Variants in SGCZ observed in about 807,000 individuals in gnomAD.
SGCZ encodes sarcoglycan zeta.
A neutral mutation model predicts 41.3 loss-of-function variants in SGCZ; 40 were observed. That is an observed-to-expected ratio of 0.97 (90% CI 0.75 to 1.26). The LOEUF (loss-of-function observed/expected upper bound fraction) is 1.26, where lower values mean the gene tolerates loss of function less well. SGCZ is among the 50% of genes most tolerant of loss of function. The pLI, the probability that SGCZ is intolerant of heterozygous loss-of-function variation, is 0.00. For missense variants in SGCZ, 552 were observed against 369.8 expected, an observed-to-expected ratio of 1.49 and a Z score of -4.04; for synonymous variants, 206 against 137.5, an observed-to-expected ratio of 1.50 and a Z score of -3.49.
intron 5 of SGCZ, among the ~76,000 whole-genome samples, chr8:14,120,803 G>A (rs1400031013): frequency 6.6e-6 from 1 of 152,026 alleles, no homozygotes; most frequent in Non-Finnish European, 1.5e-5. Flanking sequence ...ATAATGAGAA[G>A]TATAACATAA....
intron 2 of SGCZ, among the ~76,000 whole-genome samples, chr8:14,433,699 C>T (rs1009536566): frequency 2.6e-5 from 4 of 152,096 alleles, no homozygotes; most frequent in African/African-American, 7.2e-5. Flanking sequence ...TACATAAACA[C>T]GCTCTCTGAG....
intron 3 of SGCZ, among the ~76,000 whole-genome samples, chr8:14,267,325 C>A (rs890801150): frequency 1.3e-5 from 2 of 151,728 alleles, no homozygotes; most frequent in Non-Finnish European, 2.9e-5. Context: ...AATAACCCCA[C>A]GGGAGGAAAA....
intron 2 of SGCZ, among the ~76,000 whole-genome samples, chr8:14,427,348 T>C (rs1172209214): frequency 1.3e-5 from 2 of 151,496 alleles, no homozygotes; most frequent in African/African-American, 4.9e-5. Flanking sequence ...AAAAACAAAA[T>C]AAAACAAACA....
intron 1 of SGCZ, among the ~76,000 whole-genome samples, chr8:14,838,638 C>G (rs1197351275): frequency 6.6e-6 from 1 of 152,194 alleles, no homozygotes; most frequent in Non-Finnish European, 1.5e-5. Context: ...CTCTGATTTT[C>G]CCTGGCTACT....
intron 1 of SGCZ, among the ~76,000 whole-genome samples, chr8:14,729,059 C>T (rs1810148829): frequency 6.6e-6 from 1 of 152,102 alleles, no homozygotes; most frequent in Non-Finnish European, 1.5e-5. Flanking sequence ...GGAAGGAATC[C>T]AGTATTTAAA....
At chr8:14,865,640 T>G (rs1445964304) in intron 1 of SGCZ, among the ~76,000 whole-genome samples, 1 of 152,114 alleles carries the variant, frequency 6.6e-6, no homozygotes, top group Non-Finnish European at 1.5e-5. Context: ...GTGCGCTCAC[T>G]TCAATTACAT....
chr8:14,425,579 C>G (rs1799758226), intron 2 of SGCZ, among the ~76,000 whole-genome samples: 1 of 151,900 alleles, frequency 6.6e-6, no homozygotes, highest in Admixed American at 6.6e-5. Context: ...CAAGATCGCG[C>G]CACTGCTCTC....
chr8:14,466,729 G>A (rs919382462), intron 2 of SGCZ, among the ~76,000 whole-genome samples: 4 of 151,670 alleles, frequency 2.6e-5, no homozygotes, highest in African/African-American at 9.7e-5. Flanking sequence ...GCCTGCTCAA[G>A]TCTGCTTTTA....
intron 3 of SGCZ, among the ~76,000 whole-genome samples, chr8:14,262,843 G>C (rs1261023233): frequency 6.7e-6 from 1 of 148,628 alleles, no homozygotes; most frequent in Non-Finnish European, 1.5e-5. Context: ...ACAGCACAGA[G>C]CTTCTTGAAT....
At position 14,263,233 on chromosome 8, in the gene SGCZ, A is replaced by G. The variant is rs548709131; in HGVS notation, c.337-25554T>C. Reference sequence around the variant, plus strand: ...TGAGAGGTTAAAAATGAAGCAGGACACAGTAATATGTTTTAAGTCTATGAA... The same window carrying G: ...TGAGAGGTTAAAAATGAAGCAGGACGCAGTAATATGTTTTAAGTCTATGAA... On this transcript the variant is annotated intron_variant, in intron 3 of 7. Coordinates refer to ENST00000382080, the MANE Select transcript of SGCZ (RefSeq NM_139167.4). Among the ~76,000 whole-genome samples, 66 of 152,334 alleles carry G rather than the reference A, an allele frequency of 4.3e-4. 2 individuals carry two copies. Among genetic ancestry groups the G allele is most frequent in the African/African-American group, 1.3e-3 (56 of 41,578 alleles).
At chr8:15,067,667 C>A (rs1293199378) in intron 1 of SGCZ, among the ~76,000 whole-genome samples, 1 of 152,202 alleles carries the variant, frequency 6.6e-6, no homozygotes, top group Admixed American at 6.5e-5. Context: ...ACATTATTTT[C>A]TTTGATTACC....
At chr8:14,961,671 C>T (rs1800970997) in intron 1 of SGCZ, among the ~76,000 whole-genome samples, 1 of 152,088 alleles carries the variant, frequency 6.6e-6, no homozygotes, top group African/African-American at 2.4e-5. Flanking sequence ...CAGCCATCTA[C>T]TAGTGGGTCT....
At chr8:15,005,944 C>G (rs893377047) in intron 1 of SGCZ, among the ~76,000 whole-genome samples, 15 of 152,066 alleles carry the variant, frequency 9.9e-5, no homozygotes, top group Admixed American at 9.2e-4. Flanking sequence ...AAATTCTTCT[C>G]CCACCAAACT....
chr8:14,496,500 A>G (rs1322245642), intron 2 of SGCZ, among the ~76,000 whole-genome samples: 1 of 152,168 alleles, frequency 6.6e-6, no homozygotes, highest in African/African-American at 2.4e-5. Flanking sequence ...TACCTCACGT[A>G]CACCATTCTT....
intron 1 of SGCZ, among the ~76,000 whole-genome samples, chr8:15,180,399 C>T (rs1012958348): frequency 3.9e-5 from 6 of 152,108 alleles, no homozygotes; most frequent in Non-Finnish European, 7.3e-5. Flanking sequence ...ATATTACTTG[C>T]CATATTACAT....
intron 5 of SGCZ, among the ~76,000 whole-genome samples, chr8:14,129,096 C>T (rs1477758677): frequency 1.3e-5 from 2 of 151,998 alleles, no homozygotes; most frequent in Non-Finnish European, 2.9e-5. Context: ...CCTGTAATCC[C>T]AGCCCTTTGG....
intron 1 of SGCZ, among the ~76,000 whole-genome samples, chr8:14,892,109 C>T (rs769525303): frequency 2.2e-4 from 34 of 152,128 alleles, no homozygotes; most frequent in Admixed American, 1.3e-3. Context: ...CAATTTATTA[C>T]GTATGTAGTT....
At chr8:14,965,714 A>G (rs1252545350) in intron 1 of SGCZ, among the ~76,000 whole-genome samples, 2 of 152,162 alleles carry the variant, frequency 1.3e-5, no homozygotes, top group Non-Finnish European at 2.9e-5. Context: ...AATACTACCA[A>G]TAATTTTCAA....
chr8:14,414,878 G>C (rs1799453655), intron 2 of SGCZ, among the ~76,000 whole-genome samples: 1 of 151,916 alleles, frequency 6.6e-6, no homozygotes, highest in Admixed American at 6.6e-5. Context: ...GTTTTAATGT[G>C]AGTGGTAACC....
Sources: allele counts gnomAD v4.1 joint callset (sites outside exome capture counted in the v4.1 genomes callset), GRCh38; gene constraint gnomAD v4.1.1; transcripts MANE v1.5; gene names NCBI Gene and HGNC (gene_info 2026-07-23, HGNC 2026-07-21).